CCDC169: variants seen among roughly 807,000 people sequenced by gnomAD.
CCDC169 encodes the protein coiled-coil domain containing 169.
A neutral mutation model predicts 36.0 loss-of-function variants in CCDC169; 30 were observed. The ratio of observed to expected loss-of-function variants is 0.83; its 90% CI spans 0.62 to 1.13. CCDC169 has a LOEUF of 1.13. Among genes scored for constraint, CCDC169 ranks in the 50% most tolerant of loss-of-function variants. CCDC169 has a pLI of 0.00. For synonymous variants in CCDC169, 85 were observed against 81.5 expected (o/e 1.04, Z -0.23); for missense variants, 245 against 245.9 (o/e 1.00, Z 0.03).
intron 7 of CCDC169, among the ~76,000 whole-genome samples, chr13:36,235,808 C>T (rs766843971): frequency 6.6e-6 from 1 of 151,524 alleles, no homozygotes; most frequent in African/African-American, 2.4e-5. Context: ...CTCAGGGTTT[C>T]TGGATTTAAG....
At chr13:36,285,301 C>T (rs1445490620) in intron 2 of CCDC169, among the ~76,000 whole-genome samples, 1 of 152,060 alleles carries the variant, frequency 6.6e-6, no homozygotes, top group African/African-American at 2.4e-5. Context: ...GTAATCCCAC[C>T]ATTTTGGGAG....
At chr13:36,243,174 C>A (rs1359007453) in intron 7 of CCDC169, among the ~76,000 whole-genome samples, 1 of 152,166 alleles carries the variant, frequency 6.6e-6, no homozygotes, top group Admixed American at 6.5e-5. Context: ...CCTAGCCTTC[C>A]CCCACAGGTG....
At chr13:36,277,309 G>A (rs1442737080) in intron 4 of CCDC169, among the ~76,000 whole-genome samples, 1 of 152,032 alleles carries the variant, frequency 6.6e-6, no homozygotes, top group African/African-American at 2.4e-5. Context: ...ACTGGGGCCT[G>A]TCAGGGGGTA....
chr13:36,242,067 C>G (rs1200409100), intron 7 of CCDC169, among the ~76,000 whole-genome samples: 1 of 152,158 alleles, frequency 6.6e-6, no homozygotes, highest in Non-Finnish European at 1.5e-5. Context: ...TTTCCTGAGG[C>G]CTCCCCAAAC....
At chr13:36,247,576 G>C (rs1872660046) in intron 7 of CCDC169, among the ~76,000 whole-genome samples, 1 of 152,184 alleles carries the variant, frequency 6.6e-6, no homozygotes, top group African/African-American at 2.4e-5. Flanking sequence ...GACTTCAGTG[G>C]AGGAAGTACT....
At chr13:36,230,396 G>A (rs9546795), downstream of CCDC169, among the ~76,000 whole-genome samples, 61,639 of 152,020 alleles carry the variant, frequency 0.41, 13,278 homozygotes, top group Non-Finnish European at 0.48. Flanking sequence ...TGCCTCAAAA[G>A]AACTCTTTTC....
chr13:36,297,503 C>G (rs1050699896), intron 1 of CCDC169, 134 bp downstream of exon 1: 33 of 791,246 alleles, frequency 4.2e-5, no homozygotes, highest in Middle Eastern at 7.1e-4. Context: ...CTTTTGGAAC[C>G]CAGACCGAAG....
intron 4 of CCDC169, among the ~76,000 whole-genome samples, chr13:36,277,493 T>C (rs1876971726): frequency 6.6e-6 from 1 of 152,136 alleles, no homozygotes; most frequent in Non-Finnish European, 1.5e-5. Flanking sequence ...AAAAAGAATA[T>C]ACCTTTAATA....
In CCDC169 at chr13:36,231,382, C is replaced by T. The variant is rs1370946990; in HGVS notation, c.546-90G>A. 4.0e-6 allele frequency: 5 copies of T among 1,250,730 alleles called. No individual in the cohort carries two copies. The South Asian group carries it at 7.0e-5, about 17-fold the overall frequency. 77.5% of individuals were successfully genotyped at this position (1,250,730 alleles called of 1,614,324 possible). The stretch of plus-strand genomic sequence containing the variant: ...GCCACACAGGAAGAAATGTATATTG[C>T]ACCTTGTTCCCCCCAACAGACCTTC... On this transcript the variant is annotated intron_variant, in intron 7 of 7. Transcript: ENST00000239859.
intron 4 of CCDC169, among the ~76,000 whole-genome samples, chr13:36,263,059 G>A (rs902677538): frequency 1.3e-5 from 2 of 152,146 alleles, no homozygotes; most frequent in Admixed American, 6.5e-5. Context: ...CCCAGGGTTT[G>A]GCCATGGTAT....
At chr13:36,273,135 T>G (rs1328150356) in intron 4 of CCDC169, among the ~76,000 whole-genome samples, 2 of 152,230 alleles carry the variant, frequency 1.3e-5, no homozygotes, top group Non-Finnish European at 2.9e-5. Flanking sequence ...TGCTGAGATT[T>G]CTTCTTATCC....
downstream of CCDC169, among the ~76,000 whole-genome samples, chr13:36,228,681 T>C (rs1159142126): frequency 6.6e-6 from 1 of 152,070 alleles, no homozygotes; most frequent in Non-Finnish European, 1.5e-5. Context: ...GCCTTCTGAG[T>C]ACTAGGCTAC....
chr13:36,224,873 T>C (rs185920862), downstream of CCDC169: 1 of 152,094 alleles, frequency 6.6e-6, no homozygotes, highest in Non-Finnish European at 1.5e-5. Context: ...TGGCAACACA[T>C]TACCAGACTT....
At chr13:36,268,729 C>T (rs1199487822) in intron 4 of CCDC169, among the ~76,000 whole-genome samples, 1 of 151,948 alleles carries the variant, frequency 6.6e-6, no homozygotes, top group African/African-American at 2.4e-5. Context: ...TTAGATTAAC[C>T]AAGAAAAGAA....
intron 2 of CCDC169, among the ~76,000 whole-genome samples, chr13:36,287,633 A>C (rs1265395166): frequency 1.3e-5 from 2 of 152,224 alleles, no homozygotes; most frequent in East Asian, 3.8e-4. Flanking sequence ...GTACTCAAAA[A>C]TTAAGTCCAA....
intron 2 of CCDC169, among the ~76,000 whole-genome samples, chr13:36,285,309 G>T (rs1878038187): frequency 6.6e-6 from 1 of 152,218 alleles, no homozygotes; most frequent in African/African-American, 2.4e-5. Flanking sequence ...ACCATTTTGG[G>T]AGGCTGAGGC....
chr13:36,246,419 T>C (rs1376501024), intron 7 of CCDC169, among the ~76,000 whole-genome samples: 1 of 152,242 alleles, frequency 6.6e-6, no homozygotes, highest in Non-Finnish European at 1.5e-5. Flanking sequence ...GTGGTCTGGA[T>C]AGAAGACCAA....
At chr13:36,238,572 ACAAT>A (rs1224388421) in intron 7 of CCDC169, among the ~76,000 whole-genome samples, 2 of 152,222 alleles carry the variant, frequency 1.3e-5, no homozygotes, top group African/African-American at 4.8e-5. Flanking sequence ...GGAATTAACC[ACAAT>A]CATTCAATTA....
chr13:36,239,144 A>G (rs1871436942), intron 7 of CCDC169, among the ~76,000 whole-genome samples: 1 of 151,968 alleles, frequency 6.6e-6, no homozygotes, highest in African/African-American at 2.4e-5. Context: ...AGGCTGAGGC[A>G]GGGGGATCTC....
Sources: allele counts gnomAD v4.1 joint callset (sites outside exome capture counted in the v4.1 genomes callset), GRCh38; gene constraint gnomAD v4.1.1; transcripts MANE v1.5; gene names NCBI Gene and HGNC (gene_info 2026-07-23, HGNC 2026-07-21).